SPTBN4: variants seen among roughly 807,000 people sequenced by gnomAD.
SPTBN4 encodes spectrin beta, non-erythrocytic 4.
A neutral mutation model predicts 277.8 loss-of-function variants in SPTBN4; 96 were observed. That is an observed-to-expected ratio of 0.35 (90% CI 0.29 to 0.41). SPTBN4 has a LOEUF of 0.41. Among genes scored for constraint, SPTBN4 ranks in the 10% least tolerant of loss-of-function variants. The pLI is 1.00. For missense variants in SPTBN4, 3,006 were observed against 3,595.7 expected (o/e 0.84, Z 4.19); for synonymous variants, 1,481 against 1,580.3 (o/e 0.94, Z 1.49).
Position 40,494,987 on chromosome 19 carries a change from G to A in SPTBN4, c.668+10G>A. ...TCATTCACCGGCACAGGTACCACCT[G>A]GCCTGGGACAGCCCAGTCCTGCCCT... is the stretch of plus-strand genomic sequence containing the variant. On this transcript the variant is annotated intron_variant, in intron 6 of 35. Coordinates refer to ENST00000598249, the MANE Select transcript of SPTBN4 (RefSeq NM_020971.3). 1 of 1,613,948 alleles carries A rather than the reference G, an allele frequency of 6.2e-7. No homozygotes were observed. Among genetic ancestry groups the A allele is most frequent in the South Asian group, 1.1e-5 (1 of 91,078 alleles).
chr19:40,555,517 A>T (rs995717874), intron 24 of SPTBN4, among the ~76,000 whole-genome samples: 1 of 151,312 alleles, frequency 6.6e-6, no homozygotes. Flanking sequence ...AAGAAAAGAA[A>T]AAAAAAGAAA....
In SPTBN4 at chr19:40,520,307, T is replaced by C. The variant is rs183743354; in HGVS notation, c.3654+156T>C. Among the ~76,000 whole-genome samples the C allele has an allele frequency of 2.0e-4, 30 of 152,288 alleles. No individual in the cohort carries two copies. In the East Asian group the frequency reaches 3.9e-3, roughly 20 times the overall value. Reference sequence around the variant, plus strand: ...TGAGAGAGTATCCGGAATGGATAACTGAGTTTGTGGAACATCCAGTGTGTG... The same window carrying C: ...TGAGAGAGTATCCGGAATGGATAACCGAGTTTGTGGAACATCCAGTGTGTG... On this transcript the variant is annotated intron_variant, in intron 16 of 35. Coordinates refer to ENST00000598249, the MANE Select transcript of SPTBN4 (RefSeq NM_020971.3).
chr19:40,493,286 C>A (rs550431963), intron 5 of SPTBN4, among the ~76,000 whole-genome samples: 16 of 152,284 alleles, frequency 1.1e-4, no homozygotes, highest in Admixed American at 9.8e-4. Context: ...TGCTCTGTCA[C>A]CCAGGCTGGA....
intron 15 of SPTBN4, among the ~76,000 whole-genome samples, chr19:40,516,456 C>T (rs1599755883): frequency 6.6e-6 from 1 of 151,964 alleles, no homozygotes; most frequent in East Asian, 1.9e-4. Flanking sequence ...GTGCATATCA[C>T]CATGCCCAGC....
intron 1 of SPTBN4, among the ~76,000 whole-genome samples, chr19:40,471,912 T>A (rs371577183): frequency 6.9e-6 from 1 of 145,598 alleles, no homozygotes. Context: ...GCTATTTTTT[T>A]TTTTTTTTTT....
At chr19:40,503,780 C>T (rs2080289969) in intron 11 of SPTBN4, 50 bp from the exon 12 acceptor site, 2 of 1,533,408 alleles carry the variant, frequency 1.3e-6, no homozygotes, top group African/African-American at 2.7e-5. Context: ...GTCAAGGTAA[C>T]AGGTGGACTG....
At chr19:40,566,632 T>C (rs980447316) in intron 30 of SPTBN4, among the ~76,000 whole-genome samples, 127 of 152,118 alleles carry the variant, frequency 8.3e-4, no homozygotes, top group African/African-American at 2.9e-3. Context: ...GGGGATTCTA[T>C]TCTGAGACTT....
intron 20 of SPTBN4, among the ~76,000 whole-genome samples, chr19:40,543,994 A>G (rs1408045909): frequency 6.6e-6 from 1 of 152,198 alleles, no homozygotes; most frequent in Non-Finnish European, 1.5e-5. Flanking sequence ...CCATTCATTA[A>G]GTTCTCATCC....
chr19:40,548,898 C>A (rs955125000), intron 20 of SPTBN4, among the ~76,000 whole-genome samples: 4 of 152,146 alleles, frequency 2.6e-5, no homozygotes, highest in Non-Finnish European at 5.9e-5. Flanking sequence ...CACTTTAGTT[C>A]CGGGGTCAGG....
intron 17 of SPTBN4, among the ~76,000 whole-genome samples, chr19:40,525,514 C>T (rs186926909): frequency 1.9e-4 from 29 of 152,196 alleles, no homozygotes; most frequent in Admixed American, 1.4e-3. Context: ...GCACCTGCTG[C>T]ATGCCAGGCT....
intron 13 of SPTBN4, among the ~76,000 whole-genome samples, chr19:40,508,911 G>A (rs1325774564): frequency 2.0e-5 from 3 of 152,086 alleles, no homozygotes; most frequent in Admixed American, 6.6e-5. Context: ...CATCTGAGCC[G>A]GCGAGGGGAT....
rs754720386 is a variant in SPTBN4 at position 40,557,152 on chromosome 19, G to A, written c.5419G>A (p.Glu1807Lys). The change falls in exon 26 of 36, where the codon GAG becomes AAG. Residue 1807 changes from glutamate to lysine, a missense_variant. By Grantham distance (56) the Glu-to-Lys change is moderately conservative. Around this residue, in one of 5 missense-constraint regions of SPTBN4, gnomAD observed 425 missense variants for 594.7 expected, o/e 0.71. Coordinates refer to ENST00000598249, the MANE Select transcript of SPTBN4 (RefSeq NM_020971.3). The stretch of plus-strand genomic sequence containing the variant: ...CCATACAGCAGCGGCCACCATGGCC[G>A]AGTGGAAGGACGGACTGAACGAGGC... ...CGHTAAATMAEWKDGLNEAWA... is the reference protein window; with the variant it reads ...CGHTAAATMAKWKDGLNEAWA... 1.5e-5 allele frequency: 24 copies of A among 1,611,270 alleles called. No homozygotes were observed. The highest frequency in any genetic ancestry group is 2.2e-5 in the East Asian group (1 of 44,812).
intron 31 of SPTBN4, 134 bp from the exon 32 acceptor site, chr19:40,569,521 TGA>T: frequency 2.5e-6 from 2 of 808,286 alleles, no homozygotes; most frequent in Non-Finnish European, 4.0e-6. Context: ...GGCGAGCATC[TGA>T]GAGAAACAGC....
chr19:40,508,164 T>G (rs1381982125), intron 13 of SPTBN4, among the ~76,000 whole-genome samples: 1 of 152,166 alleles, frequency 6.6e-6, no homozygotes, highest in African/African-American at 2.4e-5. Flanking sequence ...GGTCAGCCCA[T>G]TACAAAGGCT....
Position 40,570,672 on chromosome 19 carries a change from C to A in SPTBN4, c.7263C>A (p.His2421Gln). 3 of 1,603,816 alleles carry A rather than the reference C, an allele frequency of 1.9e-6. No homozygotes were observed. The highest frequency in any genetic ancestry group is 2.6e-6 in the Non-Finnish European group (3 of 1,176,104). ...CACCGCCCACTCACACAGTGCAGCA[C>A]GAGGGCTTCCTACTGCGCAAGCGCG... ...PPPPPTHTVQ[H>Q]EGFLLRKREL... The change falls in exon 33 of 36, where the codon CAC (histidine) becomes CAA (glutamine). Residue 2421 changes from histidine (H) to glutamine (Q), a missense_variant. Physicochemically the swap from His to Gln is conservative, Grantham distance 24 (BLOSUM62 0). Around this residue, in one of 5 missense-constraint regions of SPTBN4, gnomAD observed 630 missense variants for 677.6 expected, o/e 0.93. Coordinates refer to ENST00000598249, the MANE Select transcript of SPTBN4 (RefSeq NM_020971.3).
Position 40,512,862 on chromosome 19 carries a change from G to T in SPTBN4, c.2073G>T (p.Leu691=). The T allele has an allele frequency of 6.9e-7, 1 of 1,450,368 alleles. No homozygotes were observed. Among genetic ancestry groups the T allele is most frequent in the East Asian group, 2.9e-5 (1 of 34,102 alleles). The allele number at this position is 1,450,368 out of a possible 1,614,324, so 89.8% of individuals were successfully genotyped here. The part of the protein sequence containing the change: ...AAGTAGGAHD[L]SSTARLLAQH... ...GAACAGCGGGCGGCGCGCATGACCTGTCCAGCACAGCGCGCCTCCTGGCCC... is the reference window on the plus strand; with the variant it reads ...GAACAGCGGGCGGCGCGCATGACCTTTCCAGCACAGCGCGCCTCCTGGCCC... The change falls in exon 14 of 36, where the codon CTG becomes CTT. Residue 691 remains leucine (L), a synonymous_variant. Coordinates refer to ENST00000598249, the MANE Select transcript of SPTBN4 (RefSeq NM_020971.3).
At chr19:40,484,002 G>A (rs1306977281) in intron 2 of SPTBN4, among the ~76,000 whole-genome samples, 3 of 152,150 alleles carry the variant, frequency 2.0e-5, no homozygotes, top group Admixed American at 2.0e-4. Flanking sequence ...GCTTGAGCCT[G>A]GGAGGCAGAG....
In SPTBN4 at chr19:40,575,742, G is replaced by A. The variant is rs1371734112; in HGVS notation, c.*173G>A. 8 of 799,022 alleles carry A rather than the reference G, an allele frequency of 1.0e-5. No individual in the cohort carries two copies. Among genetic ancestry groups the A allele is most frequent in the Non-Finnish European group, 1.5e-5 (8 of 532,916 alleles). 49.5% of individuals were successfully genotyped at this position (799,022 alleles called of 1,614,324 possible). A position where few individuals can be genotyped will look rare whatever the true frequency, so the allele number is the denominator to read the frequency against. ...CTCCTGCACCCCAAGAAGTGGTGGG[G>A]AGATTGCTGCCCCTATAGCCATATC... On this transcript the variant is annotated 3_prime_UTR_variant, in exon 36 of 36. Coordinates refer to ENST00000598249, the MANE Select transcript of SPTBN4 (RefSeq NM_020971.3).
intron 12 of SPTBN4, 47 bp from the exon 13 acceptor site, chr19:40,506,189 G>A: frequency 6.4e-7 from 1 of 1,573,678 alleles, no homozygotes; most frequent in Non-Finnish European, 8.6e-7. Flanking sequence ...GAGGTGAGTG[G>A]CCCAGGGCAG....
Sources: allele counts gnomAD v4.1 joint callset (sites outside exome capture counted in the v4.1 genomes callset), GRCh38; gene constraint gnomAD v4.1.1; regional missense constraint gnomAD v4.1.1; transcripts MANE v1.5; gene names NCBI Gene and HGNC (gene_info 2026-07-23, HGNC 2026-07-21).